The following KAZN variants were observed in gnomAD, a reference collection of about 807,000 sequenced individuals.
KAZN encodes kazrin, periplakin interacting protein.
A neutral mutation model predicts 87.4 loss-of-function variants in KAZN; 40 were observed. The observed-to-expected ratio is 0.46, with a 90% CI of 0.36 to 0.60. The LOEUF (loss-of-function observed/expected upper bound fraction) is 0.60. Ranked by LOEUF, KAZN falls within the 20% of genes least tolerant of loss-of-function variation. The pLI is 0.00. For missense variants in KAZN, 898 were observed against 1,073.9 expected, an observed-to-expected ratio of 0.84 and a Z score of 2.29; for synonymous variants, 466 against 458.3, an observed-to-expected ratio of 1.02 and a Z score of -0.22.
chr1:14,135,188 C>A (rs1398394005), intron 1 of KAZN, among the ~76,000 whole-genome samples: 1 of 152,220 alleles, frequency 6.6e-6, no homozygotes, highest in Non-Finnish European at 1.5e-5. Flanking sequence ...GCAGCCAGGC[C>A]TGCTCATCTC....
At chr1:14,288,365 T>C (rs1481911585) in intron 2 of KAZN, among the ~76,000 whole-genome samples, 1 of 152,242 alleles carries the variant, frequency 6.6e-6, no homozygotes, top group Non-Finnish European at 1.5e-5. Context: ...GAGCCTGTTA[T>C]TGGTCTATTC....
chr1:15,103,033 G>A (rs1641135808), intron 11 of KAZN, among the ~76,000 whole-genome samples: 1 of 152,224 alleles, frequency 6.6e-6, no homozygotes, highest in African/African-American at 2.4e-5. Context: ...GGCCAGGGTG[G>A]GTGGATCACA....
At chr1:14,521,526 T>C (rs1388011356) in intron 2 of KAZN, among the ~76,000 whole-genome samples, 2 of 152,232 alleles carry the variant, frequency 1.3e-5, no homozygotes, top group East Asian at 1.9e-4. Context: ...AAAAAGCCCT[T>C]GCTTTTTGAA....
At chr1:14,929,286 G>A (rs886353707) in intron 1 of KAZN, among the ~76,000 whole-genome samples, 16 of 152,124 alleles carry the variant, frequency 1.1e-4, no homozygotes, top group African/African-American at 3.6e-4. Flanking sequence ...TTGAAATATT[G>A]GGATTTACTC....
chr1:14,846,305 G>A (rs1648754227), intron 1 of KAZN, among the ~76,000 whole-genome samples: 1 of 152,134 alleles, frequency 6.6e-6, no homozygotes, highest in Non-Finnish European at 1.5e-5. Context: ...GGAGCTTTTT[G>A]TCTTAGCATG....
Position 14,598,881 on chromosome 1 carries a change from G to T in KAZN, c.-117G>T. 6.8e-7 allele frequency: 1 copy of T among 1,469,724 alleles called. No homozygotes were observed. The highest frequency in any genetic ancestry group is 1.4e-5 in the South Asian group (1 of 70,290). 91.0% of individuals were successfully genotyped at this position (1,469,724 alleles called of 1,614,324 possible). On this transcript the variant is annotated 5_prime_UTR_variant, in exon 1 of 15. Coordinates refer to ENST00000376030, the MANE Select transcript of KAZN (RefSeq NM_201628.3). This position sits in a 1 kb window ranked among gnomAD's most constrained non-coding sequence, Gnocchi z 4.2. The stretch of plus-strand genomic sequence containing the variant: ...GCCGGTGCCTGGGGGTCGGGGCGCG[G>T]GCGAAGCCGGGCCGCGGAGGACACA...
chr1:14,415,040 C>A (rs1036890054), intron 2 of KAZN, among the ~76,000 whole-genome samples: 1 of 152,058 alleles, frequency 6.6e-6, no homozygotes, highest in East Asian at 1.9e-4. Flanking sequence ...TAAATAAATA[C>A]GTACGTACAT....
At chr1:14,009,819 T>C (rs1481235469) in intron 1 of KAZN, among the ~76,000 whole-genome samples, 2 of 152,198 alleles carry the variant, frequency 1.3e-5, no homozygotes, top group East Asian at 3.8e-4. Context: ...TATACCAGGA[T>C]ATGTGCAGAA....
At chr1:14,456,651 T>C (rs1327742425) in intron 2 of KAZN, among the ~76,000 whole-genome samples, 2 of 152,226 alleles carry the variant, frequency 1.3e-5, no homozygotes, top group Non-Finnish European at 2.9e-5. Flanking sequence ...GCAAGCACTG[T>C]ATTTCACTTA....
chr1:15,047,466 T>TGGCAGAAGCCAC (rs1553180114), intron 4 of KAZN, among the ~76,000 whole-genome samples: 43 of 152,238 alleles, frequency 2.8e-4, no homozygotes, highest in African/African-American at 1.0e-3. Context: ...AGCTTAGCAA[T>TGGCAGAAGCCAC]GGCAGAAGCC....
At chr1:14,962,932 C>G (rs1044485324) in intron 2 of KAZN, among the ~76,000 whole-genome samples, 10 of 152,082 alleles carry the variant, frequency 6.6e-5, no homozygotes, top group African/African-American at 2.4e-4. Context: ...AACCTACAAT[C>G]TAGGATGTAC....
intron 2 of KAZN, among the ~76,000 whole-genome samples, chr1:14,262,767 G>T (rs1371760320): frequency 6.6e-6 from 1 of 152,232 alleles, no homozygotes; most frequent in African/African-American, 2.4e-5. Flanking sequence ...CTGTAAGGCA[G>T]TTTGTACAAG....
chr1:14,621,085 G>T (rs143083899), intron 1 of KAZN, among the ~76,000 whole-genome samples: 1 of 152,132 alleles, frequency 6.6e-6, no homozygotes, highest in Non-Finnish European at 1.5e-5. Context: ...TACTTCCCAG[G>T]GGAGCTGCCA....
chr1:14,764,507 A>G (rs1231114307), intron 1 of KAZN, among the ~76,000 whole-genome samples: 1 of 149,278 alleles, frequency 6.7e-6, no homozygotes, highest in Admixed American at 6.7e-5. Flanking sequence ...CTGCCCCCCC[A>G]TAGAACGTAA....
intron 2 of KAZN, among the ~76,000 whole-genome samples, chr1:14,268,661 A>T (rs183398042): frequency 6.6e-6 from 1 of 152,256 alleles, no homozygotes. Context: ...TTAATAGGTG[A>T]TGATATATAT....
At chr1:14,858,811 CT>C (rs1650478188) in intron 1 of KAZN, among the ~76,000 whole-genome samples, 1 of 152,138 alleles carries the variant, frequency 6.6e-6, no homozygotes, top group Non-Finnish European at 1.5e-5. Context: ...TGAACAGCCC[CT>C]GTAACTCGCC....
intron 1 of KAZN, among the ~76,000 whole-genome samples, chr1:14,779,854 AG>A (rs1195321489): frequency 6.6e-6 from 1 of 152,228 alleles, no homozygotes; most frequent in Non-Finnish European, 1.5e-5. Flanking sequence ...AGACACAAAA[AG>A]TTGACTCCCG....
intron 2 of KAZN, among the ~76,000 whole-genome samples, chr1:14,238,395 CATT>C (rs1360015369): frequency 1.3e-5 from 2 of 152,156 alleles, no homozygotes; most frequent in Admixed American, 1.3e-4. Context: ...GACAGACTGT[CATT>C]ATTAGCTGCT....
At chr1:14,819,866 C>T (rs1024796528) in intron 1 of KAZN, among the ~76,000 whole-genome samples, 3 of 151,894 alleles carry the variant, frequency 2.0e-5, no homozygotes, top group Non-Finnish European at 4.4e-5. Context: ...CACCACCACA[C>T]CTGGCTAATT....
Sources: gnomAD v4.1 joint callset for allele counts (sites outside exome capture counted in the v4.1 genomes callset) on GRCh38, gnomAD v4.1.1 for gene constraint, Gnocchi (gnomAD v3.1) non-coding constraint, MANE v1.5 for transcripts, NCBI Gene and HGNC (gene_info 2026-07-23, HGNC 2026-07-21) for gene names.